MPP7: variants seen among roughly 807,000 people sequenced by gnomAD.
MPP7 encodes MAGUK p55 subfamily member 7.
In MPP7, 60 loss-of-function variants were observed where a neutral mutation model predicts 76.5. The observed-to-expected ratio is 0.78, with a 90% CI of 0.64 to 0.97. The LOEUF is 0.97. Ranked by LOEUF, MPP7 falls within the 50% of genes least tolerant of loss-of-function variation. The pLI is 0.00. For missense variants in MPP7, 641 were observed against 694.0 expected (o/e 0.92, Z 0.86); for synonymous variants, 237 against 244.5 (o/e 0.97, Z 0.29).
chr10:28,230,487 G>A (rs1838843209), intron 2 of MPP7, among the ~76,000 whole-genome samples: 1 of 151,956 alleles, frequency 6.6e-6, no homozygotes, highest in African/African-American at 2.4e-5. Context: ...TTATTTAAAA[G>A]GCTTAATATA....
intron 1 of MPP7, among the ~76,000 whole-genome samples, chr10:28,332,317 T>C (rs1447617578): frequency 6.6e-6 from 1 of 151,208 alleles, no homozygotes; most frequent in African/African-American, 2.4e-5. Context: ...AGAATTTCCA[T>C]TTCCCATCTA....
chr10:28,202,290 A>G lies in MPP7; in HGVS notation c.38-19T>C. The G allele has an allele frequency of 1.3e-6, 2 of 1,550,642 alleles. No homozygotes were observed. Among genetic ancestry groups the G allele is most frequent in the Non-Finnish European group, 1.8e-6 (2 of 1,126,224 alleles). ...TACAGACCTATAAAATGAAAATAAA[A>G]CACAAAGTGTAATCTTAGAGTGATC... On this transcript the variant is annotated intron_variant, in intron 2 of 16. Coordinates refer to ENST00000683449, the MANE Select transcript of MPP7 (RefSeq NM_001318170.2).
At chr10:28,183,678 T>A (rs1837133156) in intron 3 of MPP7, among the ~76,000 whole-genome samples, 1 of 152,162 alleles carries the variant, frequency 6.6e-6, no homozygotes, top group Admixed American at 6.5e-5. Context: ...TCCTAGCTAC[T>A]TGGAAAGCTG....
intron 11 of MPP7, among the ~76,000 whole-genome samples, chr10:28,092,402 G>A (rs1272427763): frequency 6.6e-6 from 1 of 152,108 alleles, no homozygotes; most frequent in African/African-American, 2.4e-5. Context: ...AAAGCTAGAA[G>A]GTAAATACAT....
At chr10:28,122,205 T>C (rs975861409) in intron 8 of MPP7, among the ~76,000 whole-genome samples, 2 of 152,114 alleles carry the variant, frequency 1.3e-5, no homozygotes, top group Admixed American at 6.6e-5. Context: ...TGTGTCTGTG[T>C]GTTTTTTTTT....
chr10:28,224,308 G>T (rs900908454), intron 2 of MPP7, among the ~76,000 whole-genome samples: 1 of 151,618 alleles, frequency 6.6e-6, no homozygotes, highest in South Asian at 2.1e-4. Context: ...AAAAACTAAC[G>T]TGCTTAACAA....
intron 1 of MPP7, among the ~76,000 whole-genome samples, chr10:28,270,236 A>G (rs1301405818): frequency 6.6e-6 from 1 of 152,250 alleles, no homozygotes; most frequent in African/African-American, 2.4e-5. Flanking sequence ...GGCAAATCTC[A>G]GCAGAGAGAA....
At chr10:28,277,991 G>A (rs1460867333) in intron 1 of MPP7, among the ~76,000 whole-genome samples, 2 of 152,050 alleles carry the variant, frequency 1.3e-5, no homozygotes, top group Non-Finnish European at 2.9e-5. Context: ...ACGTGAAATT[G>A]TCCAACAGGC....
chr10:28,172,732 G>A (rs191414493), intron 3 of MPP7, among the ~76,000 whole-genome samples: 9 of 152,120 alleles, frequency 5.9e-5, no homozygotes, highest in Admixed American at 2.0e-4. Context: ...ATTGCTTCTC[G>A]TGTATCTAAT....
intron 1 of MPP7, among the ~76,000 whole-genome samples, chr10:28,245,342 T>A (rs970248917): frequency 1.3e-5 from 2 of 152,184 alleles, no homozygotes; most frequent in Non-Finnish European, 2.9e-5. Flanking sequence ...CATTTTTTTG[T>A]TCAATCAATG....
chr10:28,069,928 T>G, intron 12 of MPP7, 76 bp from the exon 13 acceptor site: 2 of 1,041,792 alleles, frequency 1.9e-6, no homozygotes, highest in Non-Finnish European at 3.0e-6. Context: ...CATGAGTCTC[T>G]AAGACAGACT....
At chr10:28,306,664 T>C (rs115320606), upstream of MPP7, among the ~76,000 whole-genome samples, 1 of 41,228 alleles carries the variant, frequency 2.4e-5, no homozygotes, top group Non-Finnish European at 5.4e-5. Flanking sequence ...AGATGATAGA[T>C]AGATAGAGAG....
At chr10:28,070,344 A>T (rs968153223) in intron 12 of MPP7, among the ~76,000 whole-genome samples, 2 of 152,162 alleles carry the variant, frequency 1.3e-5, no homozygotes, top group African/African-American at 4.8e-5. Context: ...GCTTGCAGTG[A>T]GCCGAGATCG....
intron 5 of MPP7, among the ~76,000 whole-genome samples, chr10:28,143,645 A>AT (rs1835602503): frequency 6.6e-6 from 1 of 150,570 alleles, no homozygotes; most frequent in South Asian, 2.1e-4. Flanking sequence ...TCTAATACAT[A>AT]TTTTTTCAAT....
chr10:28,057,631 TTTTTA>T, intron 15 of MPP7: 2 of 435,276 alleles, frequency 4.6e-6, no homozygotes, highest in Non-Finnish European at 6.5e-6. Context: ...TTTTTTTTTT[TTTTTA>T]GTAAATTACC....
At chr10:28,160,711 T>A (rs1400755579) in intron 3 of MPP7, among the ~76,000 whole-genome samples, 1 of 152,150 alleles carries the variant, frequency 6.6e-6, no homozygotes, top group African/African-American at 2.4e-5. Flanking sequence ...ACTATATGAC[T>A]TTGGTATAGG....
chr10:28,305,529 A>C (rs539375197), upstream of MPP7: 2 of 152,258 alleles, frequency 1.3e-5, no homozygotes, highest in Admixed American at 6.5e-5. Context: ...TGGTGGATCT[A>C]TAGAGAAACT....
chr10:28,179,700 T>C (rs1346371389), intron 3 of MPP7, among the ~76,000 whole-genome samples: 1 of 152,140 alleles, frequency 6.6e-6, no homozygotes, highest in Non-Finnish European at 1.5e-5. Flanking sequence ...CACCACCTAG[T>C]GGAGGCACAT....
chr10:28,176,420 C>T (rs910209099), intron 3 of MPP7, among the ~76,000 whole-genome samples: 1 of 152,166 alleles, frequency 6.6e-6, no homozygotes, highest in Admixed American at 6.5e-5. Flanking sequence ...AAGCTGGGGT[C>T]ATTTTAGCAT....
Sources: gnomAD v4.1 joint callset for allele counts (sites outside exome capture counted in the v4.1 genomes callset) on GRCh38, gnomAD v4.1.1 for gene constraint, MANE v1.5 for transcripts, NCBI Gene and HGNC (gene_info 2026-07-23, HGNC 2026-07-21) for gene names.